Variants in MIA2 observed in about 807,000 individuals in gnomAD.
MIA2 encodes melanoma inhibitory activity protein 2.
In MIA2, 127 loss-of-function variants were observed where a neutral mutation model predicts 167.8. That is an observed-to-expected ratio of 0.76 (90% CI 0.66 to 0.88). MIA2 has a LOEUF of 0.88. Among genes scored for constraint, MIA2 ranks in the 40% least tolerant of loss-of-function variants. The pLI is 0.00. For missense variants in MIA2, 1,690 were observed against 1,624.7 expected (o/e 1.04, Z -0.69); for synonymous variants, 552 against 541.9 (o/e 1.02, Z -0.26).
At chr14:39,266,072 T>A in intron 6 of MIA2, 1 of 985,488 alleles carries the variant, frequency 1.0e-6, no homozygotes, top group South Asian at 4.7e-5. Flanking sequence ...TTAAATGGCA[T>A]AACAGTTCGT....
intron 9 of MIA2, among the ~76,000 whole-genome samples, chr14:39,282,204 T>A (rs1240024480): frequency 6.6e-6 from 1 of 152,214 alleles, no homozygotes. Context: ...TTGCTTTTCA[T>A]AGGCAGCTAG....
At chr14:39,309,486 C>T (rs2063864022) in intron 18 of MIA2, among the ~76,000 whole-genome samples, 1 of 152,172 alleles carries the variant, frequency 6.6e-6, no homozygotes, top group African/African-American at 2.4e-5. Context: ...GTCTTTTGTG[C>T]TTGTTCCTTC....
At chr14:39,263,598 T>C (rs2055244923) in intron 6 of MIA2, among the ~76,000 whole-genome samples, 1 of 151,350 alleles carries the variant, frequency 6.6e-6, no homozygotes, top group Non-Finnish European at 1.5e-5. Context: ...ATTTTCTCTT[T>C]TCCTTTATTT....
At chr14:39,264,669 C>T (rs986236048) in intron 6 of MIA2, among the ~76,000 whole-genome samples, 1 of 152,180 alleles carries the variant, frequency 6.6e-6, no homozygotes, top group South Asian at 2.1e-4. Context: ...ACTCTTACAT[C>T]ACTAGTACAG....
chr14:39,251,063 C>A (rs2054550092), intron 4 of MIA2, among the ~76,000 whole-genome samples: 1 of 152,100 alleles, frequency 6.6e-6, no homozygotes, highest in African/African-American at 2.4e-5. Context: ...AACAGCCAAT[C>A]TTTTCTGAAG....
intron 25 of MIA2, among the ~76,000 whole-genome samples, chr14:39,343,970 A>G (rs920562914): frequency 1.3e-5 from 2 of 152,104 alleles, no homozygotes; most frequent in Non-Finnish European, 2.9e-5. Context: ...TAGATAGTCT[A>G]CCTCTTATAT....
chr14:39,262,828 G>T (rs899903261), intron 6 of MIA2, among the ~76,000 whole-genome samples: 13 of 152,074 alleles, frequency 8.5e-5, no homozygotes, highest in African/African-American at 2.7e-4. Flanking sequence ...TCTGTTATTG[G>T]TGTATAAGAA....
chr14:39,351,563 C>T (rs1278833142), downstream of MIA2, among the ~76,000 whole-genome samples: 1 of 152,018 alleles, frequency 6.6e-6, no homozygotes, highest in Non-Finnish European at 1.5e-5. Flanking sequence ...TAGGAAGTAG[C>T]CTTTTGGGAG....
intron 4 of MIA2, among the ~76,000 whole-genome samples, chr14:39,251,433 T>C (rs2054568688): frequency 6.6e-6 from 1 of 151,834 alleles, no homozygotes; most frequent in Admixed American, 6.6e-5. Context: ...GGTTTAAATG[T>C]GTAAATAATA....
intron 19 of MIA2, among the ~76,000 whole-genome samples, chr14:39,314,379 C>T (rs1244373229): frequency 1.3e-5 from 1 of 74,632 alleles, no homozygotes; most frequent in African/African-American, 4.1e-5. Flanking sequence ...AAGAGCGACA[C>T]TCTGTTTAAA....
At chr14:39,297,919 CT>C (rs1356367190) in intron 13 of MIA2, among the ~76,000 whole-genome samples, 2 of 151,900 alleles carry the variant, frequency 1.3e-5, no homozygotes, top group Non-Finnish European at 2.9e-5. Context: ...GTGTTCCTAC[CT>C]TCAGGCTTAG....
intron 25 of MIA2, among the ~76,000 whole-genome samples, chr14:39,343,158 T>G (rs2072396022): frequency 6.6e-6 from 1 of 152,184 alleles, no homozygotes. Context: ...AATTTTTATT[T>G]TTTTGGGACA....
intron 6 of MIA2, among the ~76,000 whole-genome samples, chr14:39,272,662 T>C (rs1052336543): frequency 6.6e-6 from 1 of 152,084 alleles, no homozygotes; most frequent in Non-Finnish European, 1.5e-5. Flanking sequence ...TGCTTGAGGC[T>C]GAGGTGGGAG....
intron 6 of MIA2, chr14:39,266,862 G>C (rs903549129): frequency 7.9e-6 from 6 of 762,190 alleles, no homozygotes; most frequent in African/African-American, 3.8e-5. Flanking sequence ...GTTGCGCCGA[G>C]ACGCCTCTAG....
intron 25 of MIA2, among the ~76,000 whole-genome samples, chr14:39,344,790 C>G (rs1158902405): frequency 2.0e-5 from 3 of 152,166 alleles, no homozygotes; most frequent in Non-Finnish European, 4.4e-5. Flanking sequence ...CATGCCTAAT[C>G]TAGCAGTCTG....
intron 13 of MIA2, among the ~76,000 whole-genome samples, chr14:39,299,068 T>TAAAAAAAAA (rs3065043): frequency 4.5e-5 from 2 of 44,024 alleles, no homozygotes; most frequent in African/African-American, 1.7e-4. Flanking sequence ...TCCCTGCCTC[T>TAAAAAAAAA]AAAAAAAAAA....
chr14:39,288,464 T>TG lies in MIA2; in HGVS notation c.2131-2555_2131-2554insG, dbSNP rs1566748196. ...ATATATATATATATATATATATATA[T>TG]ATATATATATATTTTTTTTTTTTTT... On this transcript the variant is annotated intron_variant, in intron 9 of 28. Coordinates refer to ENST00000640607, the MANE Select transcript of MIA2 (RefSeq NM_001329214.4). Among the ~76,000 whole-genome samples the TG allele has an allele frequency of 9.2e-4, 28 of 30,404 alleles. 2 individuals are homozygous for TG. The highest frequency in any genetic ancestry group is 3.0e-3 in the African/African-American group (22 of 7,222). 19.9% of individuals were successfully genotyped at this position (30,404 alleles called of 152,430 possible).
At chr14:39,303,442 C>A in intron 15 of MIA2, 36 bp from the exon 16 acceptor site, 6 of 1,537,140 alleles carry the variant, frequency 3.9e-6, no homozygotes, top group Non-Finnish European at 5.4e-6. Context: ...GTACTATTTT[C>A]CCAAATCATT....
At chr14:39,333,155 A>T (rs1294742146) in intron 25 of MIA2, among the ~76,000 whole-genome samples, 1 of 151,944 alleles carries the variant, frequency 6.6e-6, no homozygotes, top group African/African-American at 2.4e-5. Context: ...GGTCATCTTG[A>T]GGTTGGCCTC....
Sources: allele counts gnomAD v4.1 joint callset (sites outside exome capture counted in the v4.1 genomes callset), GRCh38; gene constraint gnomAD v4.1.1; transcripts MANE v1.5; gene names NCBI Gene and HGNC (gene_info 2026-07-23, HGNC 2026-07-21).